Variants in RBMS1 observed in about 807,000 individuals in gnomAD.
RBMS1 encodes RNA-binding motif, single-stranded-interacting protein 1.
RBMS1 carries 17 observed loss-of-function variants against 62.3 expected under a neutral mutation model. That is an observed-to-expected ratio of 0.27 (90% CI 0.19 to 0.41). The LOEUF is 0.41. Among genes scored for constraint, RBMS1 ranks in the 10% least tolerant of loss-of-function variants. RBMS1 has a pLI of 1.00. For missense variants in RBMS1, 334 were observed against 504.5 expected (o/e 0.66, Z 3.24); for synonymous variants, 172 against 170.0 (o/e 1.01, Z -0.09).
intron 1 of RBMS1, among the ~76,000 whole-genome samples, chr2:160,446,768 G>A (rs1683669352): frequency 6.6e-6 from 1 of 151,974 alleles, no homozygotes; most frequent in South Asian, 2.1e-4. Context: ...CCCATTCCTC[G>A]GACTGCTGTC....
chr2:160,359,249 G>T (rs776935009), intron 2 of RBMS1, among the ~76,000 whole-genome samples: 1 of 152,144 alleles, frequency 6.6e-6, no homozygotes. Context: ...AGACTCAGAG[G>T]CGTTGCTTTA....
chr2:160,449,078 T>G (rs1683826343), intron 1 of RBMS1, among the ~76,000 whole-genome samples: 1 of 149,640 alleles, frequency 6.7e-6, no homozygotes, highest in African/African-American at 2.5e-5. Context: ...GTCTGGGAAG[T>G]GAGGAGCCCC....
At chr2:160,493,091 C>T (rs1173060037) in intron 1 of RBMS1, 198 bp downstream of exon 1, 3 of 558,770 alleles carry the variant, frequency 5.4e-6, no homozygotes, top group African/African-American at 4.0e-5. Flanking sequence ...AACCCGATCC[C>T]CGCACTCCGC....
intron 1 of RBMS1, among the ~76,000 whole-genome samples, chr2:160,426,301 G>GAAAGAAAGAAAAGAAA (rs1559537559): frequency 7.0e-4 from 20 of 28,616 alleles, no homozygotes; most frequent in South Asian, 3.4e-3. Flanking sequence ...AAAGAAAGAA[G>GAAAGAAAGAAAAGAAA]GAAGGAAGGA....
intron 1 of RBMS1, among the ~76,000 whole-genome samples, chr2:160,447,771 A>G (rs1397199159): frequency 1.3e-5 from 2 of 152,222 alleles, no homozygotes; most frequent in East Asian, 3.9e-4. Flanking sequence ...AAATCCAAAG[A>G]TCAAGAGATA....
chr2:160,398,249 T>C (rs1695246257), intron 1 of RBMS1, among the ~76,000 whole-genome samples: 1 of 152,256 alleles, frequency 6.6e-6, no homozygotes, highest in Non-Finnish European at 1.5e-5. Context: ...CCATCTTCCA[T>C]ATTCCTTTGA....
intron 2 of RBMS1, among the ~76,000 whole-genome samples, chr2:160,324,882 G>GTATGTATATATATATA (rs1690808529): frequency 1.0e-5 from 1 of 100,016 alleles, no homozygotes; most frequent in African/African-American, 4.2e-5. Flanking sequence ...GTGTGTGTGT[G>GTATGTATATATATATA]TATATATATA....
chr2:160,418,651 T>C (rs577177792), intron 1 of RBMS1, among the ~76,000 whole-genome samples: 1 of 152,282 alleles, frequency 6.6e-6, no homozygotes, highest in South Asian at 2.1e-4. Context: ...CTTTTAGTCA[T>C]TTAACTGCTG....
chr2:160,380,481 C>A (rs62177315), intron 1 of RBMS1, among the ~76,000 whole-genome samples: 2 of 152,102 alleles, frequency 1.3e-5, no homozygotes, highest in African/African-American at 2.4e-5. Flanking sequence ...AACTTCAGAG[C>A]GCCCCGTACG....
At chr2:160,353,381 T>C (rs1234693984) in intron 2 of RBMS1, among the ~76,000 whole-genome samples, 10 of 152,076 alleles carry the variant, frequency 6.6e-5, no homozygotes, top group African/African-American at 2.4e-4. Context: ...TAGGTGGCAA[T>C]CCAACATAAT....
chr2:160,493,164 A>T, intron 1 of RBMS1, 125 bp downstream of exon 1: 1 of 948,508 alleles, frequency 1.1e-6, no homozygotes, highest in Non-Finnish European at 1.6e-6. Context: ...TATAGTTAGC[A>T]ACCTTCCAGC....
chr2:160,428,302 TG>T (rs1318210849), intron 1 of RBMS1, among the ~76,000 whole-genome samples: 1 of 152,090 alleles, frequency 6.6e-6, no homozygotes, highest in Admixed American at 6.5e-5. Flanking sequence ...AAACACCGGA[TG>T]TAATCGAGAC....
chr2:160,306,720 G>A (rs993936404), intron 4 of RBMS1, among the ~76,000 whole-genome samples: 33 of 143,890 alleles, frequency 2.3e-4, no homozygotes, highest in African/African-American at 6.9e-4. Flanking sequence ...TTCTTTTCAC[G>A]GGTGTTTTTT....
At chr2:160,425,071 C>T (rs966554996) in intron 1 of RBMS1, among the ~76,000 whole-genome samples, 2 of 152,088 alleles carry the variant, frequency 1.3e-5, no homozygotes, top group African/African-American at 4.8e-5. Flanking sequence ...ATGACTGCTT[C>T]CCTTCTTGGA....
intron 1 of RBMS1, among the ~76,000 whole-genome samples, chr2:160,481,194 T>C (rs1272756509): frequency 6.6e-6 from 1 of 151,634 alleles, no homozygotes; most frequent in Non-Finnish European, 1.5e-5. Flanking sequence ...TTTCAATAAA[T>C]TGGGCTGGAT....
chr2:160,388,689 C>T (rs144099090), intron 1 of RBMS1, among the ~76,000 whole-genome samples: 249 of 152,300 alleles, frequency 1.6e-3, no homozygotes, highest in Non-Finnish European at 2.1e-3. Flanking sequence ...GCTCTCTGCC[C>T]GCACCCTTCA....
intron 1 of RBMS1, among the ~76,000 whole-genome samples, chr2:160,397,956 C>T (rs1012564969): frequency 2.6e-5 from 4 of 152,126 alleles, no homozygotes; most frequent in African/African-American, 7.2e-5. Flanking sequence ...CTGTGCTCCC[C>T]GAAGTCTGTC....
In RBMS1 at chr2:160,275,661, T is replaced by C. The variant is rs746255373; in HGVS notation, c.1197A>G (p.Pro399=). 6.2e-6 allele frequency: 10 copies of C among 1,613,702 alleles called. No homozygotes were observed. Among genetic ancestry groups the C allele is most frequent in the African/African-American group, 2.7e-5 (2 of 74,908 alleles). The change falls in exon 13 of 14, where the codon CCA becomes CCG. Residue 399 remains proline (P), a synonymous_variant. Transcript: ENST00000348849. ...GTTACTTATTAGGTTGAAAGGTATA[T>C]GGAGAATGGTCATTAGACGTCTCGA... ...VAVETSNDHS[P]YTFQPNK
At chr2:160,361,562 G>A (rs944535426) in intron 2 of RBMS1, among the ~76,000 whole-genome samples, 1 of 152,146 alleles carries the variant, frequency 6.6e-6, no homozygotes, top group African/African-American at 2.4e-5. Flanking sequence ...GAATTTTTTT[G>A]TTTCCCAAGC....
Sources: gnomAD v4.1 joint callset for allele counts (sites outside exome capture counted in the v4.1 genomes callset) on GRCh38, gnomAD v4.1.1 for gene constraint, MANE v1.5 for transcripts, NCBI Gene and HGNC (gene_info 2026-07-23, HGNC 2026-07-21) for gene names.